NPIPB11: variants seen among roughly 807,000 people sequenced by gnomAD.
The protein encoded by NPIPB11 is nuclear pore complex interacting protein family member B11.
NPIPB11 carries 17 observed loss-of-function variants against 32.8 expected under a neutral mutation model. The ratio of observed to expected loss-of-function variants is 0.52; its 90% CI spans 0.35 to 0.78. NPIPB11 has a LOEUF of 0.78. Ranked by LOEUF, NPIPB11 falls within the 30% of genes least tolerant of loss-of-function variation. NPIPB11 has a pLI of 0.01. For synonymous variants in NPIPB11, 209 were observed against 398.4 expected (o/e 0.52, Z 5.66); for missense variants, 537 against 1,000.4 (o/e 0.54, Z 6.25).
chr16:29,389,411 C>T (rs1003180312), intron 5 of NPIPB11, among the ~76,000 whole-genome samples: 9 of 140,554 alleles, frequency 6.4e-5, no homozygotes, highest in Middle Eastern at 3.7e-3. Context: ...TGGTGGCTCA[C>T]GCCTCTAATC....
intron 3 of NPIPB11, 85 bp downstream of exon 3, chr16:29,393,863 G>A: frequency 1.6e-6 from 2 of 1,231,278 alleles, no homozygotes; most frequent in Admixed American, 2.8e-5. Flanking sequence ...TATTCATAAT[G>A]AAGTCCAGAA....
At chr16:29,397,009 G>A (rs904291722) in intron 2 of NPIPB11, among the ~76,000 whole-genome samples, 21 of 151,484 alleles carry the variant, frequency 1.4e-4, no homozygotes, top group Non-Finnish European at 1.8e-4. Context: ...TTAGCCAGGC[G>A]TGGTGGTCTA....
chr16:29,391,599 T>A (rs1963724388), intron 3 of NPIPB11, among the ~76,000 whole-genome samples: 1 of 151,834 alleles, frequency 6.6e-6, no homozygotes, highest in Non-Finnish European at 1.5e-5. Flanking sequence ...AAGATTTCCA[T>A]ATTATCACAG....
chr16:29,389,025 C>A (rs1963638447), intron 5 of NPIPB11, among the ~76,000 whole-genome samples: 1 of 149,420 alleles, frequency 6.7e-6, no homozygotes, highest in African/African-American at 2.5e-5. Context: ...TGAAACCCCG[C>A]CTCTACTAAA....
intron 2 of NPIPB11, chr16:29,397,646 C>T (rs1375749101): frequency 2.8e-6 from 4 of 1,418,368 alleles, no homozygotes; most frequent in Non-Finnish European, 3.9e-6. Context: ...CCCGCATGTC[C>T]TGGTCCTTTC....
At chr16:29,393,311 G>A (rs1386593171) in intron 3 of NPIPB11, among the ~76,000 whole-genome samples, 4 of 151,360 alleles carry the variant, frequency 2.6e-5, no homozygotes, top group Admixed American at 6.6e-5. Flanking sequence ...TTGTCACCTC[G>A]TCCCTATGAC....
intron 2 of NPIPB11, among the ~76,000 whole-genome samples, chr16:29,397,374 T>C (rs1482728436): frequency 6.6e-6 from 1 of 151,176 alleles, no homozygotes; most frequent in Non-Finnish European, 1.5e-5. Context: ...GCCCGACTAA[T>C]CTTTTTTGGA....
Position 29,389,434 on chromosome 16 carries a change from G to A in NPIPB11, c.545+507C>T, listed in dbSNP as rs1455152790. On this transcript the variant is annotated intron_variant, in intron 5 of 7. Coordinates refer to ENST00000524087, the Ensembl canonical transcript of NPIPB11. ...CACGCCTCTAATCCCAGCACTTTGG[G>A]AGGCTGAGGCAGGTGGATTACCTGA... 2.1e-5 allele frequency among the ~76,000 whole-genome samples: 3 copies of A among 145,462 alleles called. No individual in the cohort carries two copies. The South Asian group carries it at 6.6e-4, about 32-fold the overall frequency.
At chr16:29,388,986 G>A (rs1373096248) in intron 5 of NPIPB11, among the ~76,000 whole-genome samples, 2 of 145,814 alleles carry the variant, frequency 1.4e-5, no homozygotes, top group African/African-American at 5.1e-5. Context: ...CATGATGTCA[G>A]GAGTTCTAGA....
intron 2 of NPIPB11, among the ~76,000 whole-genome samples, chr16:29,400,401 T>A (rs1419925698): frequency 6.6e-6 from 1 of 151,464 alleles, no homozygotes; most frequent in Non-Finnish European, 1.5e-5. Flanking sequence ...GCTATGTTGC[T>A]GCTGACCAGC....
At chr16:29,393,841 G>C in intron 3 of NPIPB11, 107 bp downstream of exon 3, 3 of 1,206,410 alleles carry the variant, frequency 2.5e-6, no homozygotes, top group Non-Finnish European at 3.4e-6. Context: ...TGATTTTTTG[G>C]GTAAAACCAC....
intron 3 of NPIPB11, among the ~76,000 whole-genome samples, chr16:29,393,694 A>C (rs1963776675): frequency 6.6e-6 from 1 of 152,176 alleles, no homozygotes; most frequent in Middle Eastern, 3.4e-3. Flanking sequence ...TTTGTGATAA[A>C]TAGCACAAAG....
In NPIPB11 at chr16:29,397,169, TA is replaced by T. The variant is rs561934286; in HGVS notation, c.121-3094del. Among the ~76,000 whole-genome samples the T allele has an allele frequency of 3.8e-3, 525 of 138,774 alleles. 1 individual carries two copies. The highest frequency in any genetic ancestry group is 9.7e-3 in the African/African-American group (365 of 37,482). 91.0% of individuals were successfully genotyped at this position (138,774 alleles called of 152,430 possible). A position where few individuals can be genotyped will look rare whatever the true frequency, so the allele number is the denominator to read the frequency against. Reference sequence around the variant, plus strand: ...CTGGGCGACAGAGTGAGACTCTGTCTAAAAAAAAAAAAAAGTCATCAAACCA... The same window carrying T: ...CTGGGCGACAGAGTGAGACTCTGTCTAAAAAAAAAAAAAGTCATCAAACCA... On this transcript the variant is annotated intron_variant, in intron 2 of 7. Coordinates refer to ENST00000524087, the Ensembl canonical transcript of NPIPB11.
chr16:29,393,639 G>A (rs886646951), intron 3 of NPIPB11, among the ~76,000 whole-genome samples: 17 of 150,738 alleles, frequency 1.1e-4, no homozygotes, highest in Non-Finnish European at 2.2e-4. Flanking sequence ...AAGCAGAAGA[G>A]TTTAGAAAGA....
chr16:29,390,375 G>A (rs758758345), intron 3 of NPIPB11, 27 bp from the exon 4 acceptor site: 9 of 1,541,848 alleles, frequency 5.8e-6, no homozygotes, highest in Admixed American at 3.4e-5. Context: ...TAAGAATGAC[G>A]GCTGGGCACG....
exon 8 of NPIPB11, chr16:29,382,994 G>A (rs752515842): frequency 1.9e-5 from 30 of 1,602,912 alleles, no homozygotes; most frequent in Middle Eastern, 2.3e-4. Context: ...GTGAGCTGAC[G>A]CTCGGAAGGT....
In NPIPB11 at chr16:29,382,952, C is replaced by T. The variant is rs1963523509; in HGVS notation, c.1980G>A (p.Gln660=). The T allele has an allele frequency of 7.6e-6, 5 of 660,784 alleles. No individual in the cohort carries two copies. The East Asian group carries it at 1.1e-4, about 14-fold the overall frequency. 40.9% of individuals were successfully genotyped at this position (660,784 alleles called of 1,614,324 possible). A position where few individuals can be genotyped will look rare whatever the true frequency, so the allele number is the denominator to read the frequency against. ...TCGGCAGGTGTCTTGATATTATCAT[C>T]TGCTGAGGGTGGAGCTGAGGGTGGA... The change falls in exon 8 of 8, where the codon CAG becomes CAA. Residue 660 remains glutamine, a synonymous_variant. Transcript: ENST00000524087.
At chr16:29,390,307 A>G in exon 4 of NPIPB11, 1 of 1,577,650 alleles carries the variant, frequency 6.3e-7, no homozygotes. Context: ...TGGATCCATC[A>G]TGTCCATTTC....
chr16:29,383,380 GTGTCT>G lies in NPIPB11; in HGVS notation c.1547_1551del (p.Lys516ThrfsTer3). On this transcript the variant is annotated frameshift_variant, in exon 8 of 8. Transcript: ENST00000524087. LOFTEE classifies it low-confidence loss of function (END_TRUNC). ...AGGGGAGTGAGCTGACGCTCAGAAG[GTGTCT>G]TGAGATTATCATCCGCTGAGGGTGG... 2 of 409,570 alleles carry G rather than the reference GTGTCT, an allele frequency of 4.9e-6. No individual in the cohort carries two copies. Among genetic ancestry groups the G allele is most frequent in the Non-Finnish European group, 7.8e-6 (2 of 256,392 alleles). The allele number at this position is 409,570 out of a possible 1,614,324, so 25.4% of individuals were successfully genotyped here.
Sources: gnomAD v4.1 joint callset for allele counts (sites outside exome capture counted in the v4.1 genomes callset) on GRCh38, gnomAD v4.1.1 for gene constraint, MANE v1.5 for transcripts, NCBI Gene and HGNC (gene_info 2026-07-23, HGNC 2026-07-21) for gene names.